Variants in PPP1R26 observed in about 807,000 individuals in gnomAD.
PPP1R26 encodes protein phosphatase 1 regulatory subunit 26.
Under a neutral mutation model 67.6 loss-of-function variants are expected in PPP1R26, and 22 were observed. That is an observed-to-expected ratio of 0.33 (90% CI 0.23 to 0.46). PPP1R26 has a LOEUF of 0.46. PPP1R26 is among the 20% of genes least tolerant of loss of function. PPP1R26 has a pLI of 1.00. For missense variants in PPP1R26, 1,602 were observed against 1,651.4 expected (o/e 0.97, Z 0.52); for synonymous variants, 729 against 717.2 (o/e 1.02, Z -0.26).
rs1830738897 is a variant in PPP1R26 at position 135,486,532 on chromosome 9, A to T, written c.2022A>T (p.Leu674=). 6.2e-7 allele frequency: 1 copy of T among 1,612,314 alleles called. No homozygotes were observed. The highest frequency in any genetic ancestry group is 1.7e-5 in the Admixed American group (1 of 59,988). ...GTAAGACAGACGAGGCAAGGCGCCT[A>T]GACGAGAAAGAGAGCTCTGAAGACA... ...GQGKTDEARR[L]DEKESSEDKS... The change falls in exon 4 of 4, where the codon CTA becomes CTT. Residue 674 remains leucine, a synonymous_variant. Transcript: ENST00000356818. This position sits in a 1 kb window ranked among gnomAD's most constrained non-coding sequence, Gnocchi z 6.2.
rs1353382611 is a variant in PPP1R26 at position 135,485,560 on chromosome 9, C to T, written c.1050C>T (p.Val350=). The change falls in exon 4 of 4, where the codon GTC becomes GTT. Residue 350 remains valine, a synonymous_variant. Coordinates refer to ENST00000356818, the MANE Select transcript of PPP1R26 (RefSeq NM_014811.5). This position sits in a 1 kb window ranked among gnomAD's most constrained non-coding sequence, Gnocchi z 7.2. ...SASAARRGKR[V]MSAAQASEAS... ...GCGCTGCAAGGAGGGGAAAGCGAGT[C>T]ATGAGTGCGGCACAGGCGTCCGAGG... is the stretch of plus-strand genomic sequence containing the variant. The T allele has an allele frequency of 6.2e-7, 1 of 1,613,282 alleles. No homozygotes were observed. Among genetic ancestry groups the T allele is most frequent in the Non-Finnish European group, 8.5e-7 (1 of 1,180,030 alleles).
Position 135,487,535 on chromosome 9 carries a change from C to G in PPP1R26, c.3025C>G (p.Pro1009Ala), listed in dbSNP as rs894194385. ...CTGCGGGAGCCCGAGCTTCCTGACC[C>G]CCAGCCCGGGAGCGGAGAGGGACGC... ...MGCGSPSFLTPSPGAERDAGA... is the reference protein window; with the variant it reads ...MGCGSPSFLTASPGAERDAGA... The change falls in exon 4 of 4, where the codon CCC (proline) becomes GCC (alanine). Residue 1009 changes from proline (P) to alanine (A), a missense_variant. Transcript: ENST00000356818. 2 of 1,592,020 alleles carry G rather than the reference C, an allele frequency of 1.3e-6. No individual in the cohort carries two copies. The highest frequency in any genetic ancestry group is 2.7e-5 in the African/African-American group (2 of 74,318).
In PPP1R26 at chr9:135,484,572, C is replaced by T. The variant is rs150799430; in HGVS notation, c.62C>T (p.Pro21Leu). 3.0e-5 allele frequency: 48 copies of T among 1,612,002 alleles called. No individual in the cohort carries two copies. Among genetic ancestry groups the T allele is most frequent in the East Asian group, 4.5e-5 (2 of 44,880 alleles). The change falls in exon 4 of 4, where the codon CCG becomes CTG. Residue 21 changes from proline to leucine, a missense_variant. Physicochemically the swap from Pro to Leu is moderately conservative, Grantham distance 98. Around this residue, in one of 5 missense-constraint regions of PPP1R26, gnomAD observed 168 missense variants for 176.1 expected, o/e 0.95. Transcript: ENST00000356818. The part of the protein sequence containing the change: ...ALQSKWEAFG[P>L]PGSCRFPRCF... ...CAGTCCAAATGGGAGGCCTTTGGCCCGCCAGGGAGCTGTAGGTTCCCCAGG... is the reference window on the plus strand; with the variant it reads ...CAGTCCAAATGGGAGGCCTTTGGCCTGCCAGGGAGCTGTAGGTTCCCCAGG...
At position 135,487,351 on chromosome 9, in the gene PPP1R26, C is replaced by T. The variant is rs149121803; in HGVS notation, c.2841C>T (p.Ser947=). 1,231 of 1,554,468 alleles carry T rather than the reference C, an allele frequency of 7.9e-4. 1 individual carries two copies. The highest frequency in any genetic ancestry group is 1.0e-3 in the Non-Finnish European group (1,148 of 1,152,182). ...VPPRSTSGGV[S]AKGLSVSRRN... ...CCAGGAGCACCAGCGGCGGTGTCTC[C>T]GCCAAGGGGCTCTCAGTGAGCAGGA... The change falls in exon 4 of 4, where the codon TCC becomes TCT. Residue 947 remains serine (S), a synonymous_variant. Transcript: ENST00000356818.
Position 135,487,907 on chromosome 9 carries a change from C to T in PPP1R26, c.3397C>T (p.Pro1133Ser), listed in dbSNP as rs374355502. The T allele has an allele frequency of 9.5e-6, 15 of 1,575,298 alleles. No individual in the cohort carries two copies. In the African/African-American group the frequency reaches 2.0e-4, roughly 21 times the overall value. The part of the protein sequence containing the change: ...QAGPSPVFGS[P>S]HLLAKKDGGP... ...CGGACCCAGCCCTGTCTTTGGAAGC[C>T]CACACTTGCTGGCAAAGAAGGACGG... The change falls in exon 4 of 4, where the codon CCA becomes TCA. Residue 1133 changes from proline (P) to serine (S), a missense_variant. Pro to Ser is a moderately conservative substitution (Grantham distance 74, BLOSUM62 -1). Coordinates refer to ENST00000356818, the MANE Select transcript of PPP1R26 (RefSeq NM_014811.5).
At position 135,486,865 on chromosome 9, in the gene PPP1R26, C is replaced by A. The variant is rs768412180; in HGVS notation, c.2355C>A (p.Ala785=). The A allele has an allele frequency of 7.4e-6, 12 of 1,611,592 alleles. No individual in the cohort carries two copies. The highest frequency in any genetic ancestry group is 1.0e-5 in the Non-Finnish European group (12 of 1,179,572). The change falls in exon 4 of 4, where the codon GCC becomes GCA. Residue 785 remains alanine (A), a synonymous_variant. Coordinates refer to ENST00000356818, the MANE Select transcript of PPP1R26 (RefSeq NM_014811.5). This position sits in a 1 kb window ranked among gnomAD's most constrained non-coding sequence, Gnocchi z 6.2. ...STAERMRQEG[A]ASQDAALAFR... ...CAGAGAGGATGAGGCAGGAGGGTGCCGCGAGCCAGGACGCGGCCCTGGCCT... is the reference window on the plus strand; with the variant it reads ...CAGAGAGGATGAGGCAGGAGGGTGCAGCGAGCCAGGACGCGGCCCTGGCCT...
Position 135,486,445 on chromosome 9 carries a change from G to A in PPP1R26, c.1935G>A (p.Glu645=), listed in dbSNP as rs200816798. The stretch of plus-strand genomic sequence containing the variant: ...TGCCCATCCAGGGCAAAGCCAGTGA[G>A]GCCCTGGGAGGGGAGGGCACCGCCA... ...RDLPIQGKAS[E]ALGGEGTARG... is the part of the protein sequence containing the mutation. Residue 645 remains glutamate (E), a synonymous_variant, in exon 4 of 4, where the codon GAG becomes GAA. Transcript: ENST00000356818. This position sits in a 1 kb window ranked among gnomAD's most constrained non-coding sequence, Gnocchi z 6.2. 7.4e-6 allele frequency: 12 copies of A among 1,613,204 alleles called. No homozygotes were observed. In the African/African-American group the frequency reaches 1.5e-4, roughly 20 times the overall value.
Position 135,487,796 on chromosome 9 carries a change from G to C in PPP1R26, c.3286G>C (p.Gly1096Arg), listed in dbSNP as rs565912117. 26 of 1,574,928 alleles carry C rather than the reference G, an allele frequency of 1.7e-5. No homozygotes were observed. The highest frequency in any genetic ancestry group is 6.8e-5 in the African/African-American group (5 of 73,470). ...CCACTTTGGAAAGGGTGTCTCCTGG[G>C]GGGGCAGGCAGGCTGGCCTCTTCAG... is the stretch of plus-strand genomic sequence containing the variant. ...LFHFGKGVSWGGRQAGLFSPH... is the reference protein window; with the variant it reads ...LFHFGKGVSWRGRQAGLFSPH... The change falls in exon 4 of 4, where the codon GGG (glycine) becomes CGG (arginine). Residue 1096 changes from glycine to arginine, a missense_variant. By Grantham distance (125) the Gly-to-Arg change is moderately radical. Transcript: ENST00000356818.
rs1830670668 is a variant in PPP1R26, at chr9:135,485,250, G to C, written c.740G>C (p.Gly247Ala). The change falls in exon 4 of 4, where the codon GGG (glycine) becomes GCG (alanine). Residue 247 changes from glycine (G) to alanine (A), a missense_variant. This residue lies in a region of PPP1R26 where 680 missense variants were observed against 726.1 expected (regional missense o/e 0.94). Transcript: ENST00000356818. This position sits in a 1 kb window ranked among gnomAD's most constrained non-coding sequence, Gnocchi z 7.2. ...KRQHETQKCD[G>A]SVEKKPDTNE... Reference sequence around the variant, plus strand: ...CAGCATGAGACCCAAAAATGTGATGGGTCAGTGGAGAAGAAACCAGACACA... The same window carrying C: ...CAGCATGAGACCCAAAAATGTGATGCGTCAGTGGAGAAGAAACCAGACACA... The C allele has an allele frequency of 6.2e-7, 1 of 1,612,894 alleles. No individual in the cohort carries two copies. The highest frequency in any genetic ancestry group is 8.5e-7 in the Non-Finnish European group (1 of 1,179,962).
chr9:135,482,317 C>T (rs1053702773), intron 1 of PPP1R26, among the ~76,000 whole-genome samples: 1 of 152,176 alleles, frequency 6.6e-6, no homozygotes, highest in Non-Finnish European at 1.5e-5. Context: ...GTTGGTCCCC[C>T]AGTGCTCTGT....
chr9:135,481,298 A>G (rs1159080052), intron 1 of PPP1R26, among the ~76,000 whole-genome samples: 2 of 147,528 alleles, frequency 1.4e-5, no homozygotes, highest in Admixed American at 1.3e-4. Flanking sequence ...CTGGAGTGCA[A>G]TGGCTGATCT....
chr9:135,485,608 T>C lies in PPP1R26; in HGVS notation c.1098T>C (p.Asp366=), dbSNP rs2119287771. Reference sequence around the variant, plus strand: ...AGGCGTCCGACTCCAGCAGCGACGATGGCATTGAGGAGGCCATCCAGCTGT... The same window carrying C: ...AGGCGTCCGACTCCAGCAGCGACGACGGCATTGAGGAGGCCATCCAGCTGT... ...ASEASDSSSD[D]GIEEAIQLYQ... Residue 366 remains aspartate, a synonymous_variant, in exon 4 of 4, where the codon GAT becomes GAC. Coordinates refer to ENST00000356818, the MANE Select transcript of PPP1R26 (RefSeq NM_014811.5). This position sits in a 1 kb window ranked among gnomAD's most constrained non-coding sequence, Gnocchi z 7.2. The C allele has an allele frequency of 6.2e-7, 1 of 1,613,004 alleles. No individual in the cohort carries two copies. Among genetic ancestry groups the C allele is most frequent in the Non-Finnish European group, 8.5e-7 (1 of 1,179,984 alleles).
chr9:135,487,457 T>A lies in PPP1R26; in HGVS notation c.2947T>A (p.Cys983Ser), dbSNP rs374400827. Residue 983 changes from cysteine (C) to serine (S), a missense_variant, in exon 4 of 4, where the codon TGT becomes AGT. Around this residue, in one of 5 missense-constraint regions of PPP1R26, gnomAD observed 740 missense variants for 696.3 expected, o/e 1.06. Coordinates refer to ENST00000356818, the MANE Select transcript of PPP1R26 (RefSeq NM_014811.5). ...AAGTGCTTTTGGTCAGCTGCCCAGC[T>A]GTGCCACAGCGGGCACCGAGGCAGG... is the stretch of plus-strand genomic sequence containing the variant. ...AKSAFGQLPS[C>S]ATAGTEAGGA... 6.2e-7 allele frequency: 1 copy of A among 1,610,444 alleles called. No individual in the cohort carries two copies. Among genetic ancestry groups the A allele is most frequent in the Non-Finnish European group, 8.5e-7 (1 of 1,179,698 alleles).
At position 135,487,981 on chromosome 9, in the gene PPP1R26, CAGG is replaced by C. The variant is rs1379488381; in HGVS notation, c.3477_3479del (p.Arg1159del). The C allele has an allele frequency of 6.2e-7, 1 of 1,608,916 alleles. No homozygotes were observed. The highest frequency in any genetic ancestry group is 1.7e-5 in the Admixed American group (1 of 59,050). ...CACAGGCAGGGCTGAGTTTGCATGA[CAGG>C]AGGAGCTCGGGCTCGGAGGAAAGCA... is the stretch of plus-strand genomic sequence containing the variant. On this transcript the variant is annotated inframe_deletion, in exon 4 of 4. Transcript: ENST00000356818.
At chr9:135,480,460 G>C (rs911865085) in intron 1 of PPP1R26, 1 of 152,172 alleles carries the variant, frequency 6.6e-6, no homozygotes, top group Admixed American at 6.5e-5. Flanking sequence ...ACATAACTCC[G>C]GGGGTGCAGA....
intron 3 of PPP1R26, 164 bp from the exon 4 acceptor site, chr9:135,484,285 C>A: frequency 1.8e-6 from 1 of 550,936 alleles, no homozygotes; most frequent in Non-Finnish European, 3.2e-6. Context: ...GCCCCAGGAG[C>A]ATGAGTAAGT....
chr9:135,479,159 A>C (rs1185541226), upstream of PPP1R26: 1 of 152,128 alleles, frequency 6.6e-6, no homozygotes, highest in Non-Finnish European at 1.5e-5. The surrounding 1 kb of genome is among the most constrained non-coding windows in gnomAD (Gnocchi z 5.9). Flanking sequence ...ACCTGGCGGC[A>C]GGTGTGCTCG....
chr9:135,486,838 G>A lies in PPP1R26; in HGVS notation c.2328G>A (p.Thr776=), dbSNP rs777106526. ...AACCCCCCAGTGTCTTTGGCAGCACGGCAGAGAGGATGAGGCAGGAGGGTG... is the reference window on the plus strand; with the variant it reads ...AACCCCCCAGTGTCTTTGGCAGCACAGCAGAGAGGATGAGGCAGGAGGGTG... ...GKKPPSVFGS[T]AERMRQEGAA... The change falls in exon 4 of 4, where the codon ACG becomes ACA. Residue 776 remains threonine (T), a synonymous_variant. Transcript: ENST00000356818. This position sits in a 1 kb window ranked among gnomAD's most constrained non-coding sequence, Gnocchi z 6.2. The A allele has an allele frequency of 4.5e-5, 72 of 1,610,992 alleles. No individual in the cohort carries two copies. The highest frequency in any genetic ancestry group is 1.6e-4 in the South Asian group (15 of 90,922).
At chr9:135,483,666 A>G (rs773290312) in intron 2 of PPP1R26, 1 of 242,062 alleles carries the variant, frequency 4.1e-6, no homozygotes, top group African/African-American at 2.2e-5. Flanking sequence ...TCCCCAGGCC[A>G]TTCGTGAGCA....
Sources: gnomAD v4.1 joint callset for allele counts (sites outside exome capture counted in the v4.1 genomes callset) on GRCh38, gnomAD v4.1.1 for gene constraint, gnomAD v4.1.1 regional missense constraint, Gnocchi (gnomAD v3.1) non-coding constraint, MANE v1.5 for transcripts, NCBI Gene and HGNC (gene_info 2026-07-23, HGNC 2026-07-21) for gene names.